HPSE2: variants seen among roughly 807,000 people sequenced by gnomAD.
HPSE2 encodes inactive heparanase-2.
Under a neutral mutation model 60.5 loss-of-function variants are expected in HPSE2, and 38 were observed. The ratio of observed to expected loss-of-function variants is 0.63; its 90% CI spans 0.48 to 0.82. HPSE2 has a LOEUF of 0.82. HPSE2 is among the 40% of genes least tolerant of loss of function. The pLI is 0.00. For missense variants in HPSE2, 713 were observed against 740.4 expected, an observed-to-expected ratio of 0.96 and a Z score of 0.43; for synonymous variants, 295 against 293.2, an observed-to-expected ratio of 1.01 and a Z score of -0.06.
chr10:98,511,253 C>A (rs1032939385), intron 9 of HPSE2, among the ~76,000 whole-genome samples: 1 of 151,736 alleles, frequency 6.6e-6, no homozygotes, highest in South Asian at 2.1e-4. Flanking sequence ...CAGATTCAAG[C>A]GATTCTCTTG....
chr10:98,718,627 C>T (rs1355343038), intron 5 of HPSE2, among the ~76,000 whole-genome samples: 1 of 152,148 alleles, frequency 6.6e-6, no homozygotes, highest in Non-Finnish European at 1.5e-5. Context: ...GAAATTCTGT[C>T]ATTTTCAGCA....
upstream of HPSE2, among the ~76,000 whole-genome samples, chr10:99,239,098 G>A (rs969295485): frequency 6.6e-6 from 1 of 152,102 alleles, no homozygotes; most frequent in Admixed American, 6.5e-5. Flanking sequence ...GGAGGAGGTT[G>A]CAGTGAGCCA....
At chr10:99,084,484 C>T (rs1564794017) in intron 3 of HPSE2, among the ~76,000 whole-genome samples, 1 of 152,136 alleles carries the variant, frequency 6.6e-6, no homozygotes, top group Non-Finnish European at 1.5e-5. Context: ...TCCAAATGTT[C>T]TCAGGGTATG....
At chr10:99,207,969 C>T (rs1487082142) in intron 2 of HPSE2, among the ~76,000 whole-genome samples, 9 of 149,848 alleles carry the variant, frequency 6.0e-5, no homozygotes, top group Non-Finnish European at 1.3e-4. Context: ...TTAACAATAA[C>T]TAATAATAAA....
intron 9 of HPSE2, among the ~76,000 whole-genome samples, chr10:98,566,531 C>T (rs1944350616): frequency 6.6e-6 from 1 of 152,182 alleles, no homozygotes; most frequent in Non-Finnish European, 1.5e-5. Context: ...ACGCTAAAGA[C>T]CTAGGGACAC....
intron 3 of HPSE2, among the ~76,000 whole-genome samples, chr10:98,878,867 G>A (rs560889458): frequency 1.3e-5 from 2 of 151,860 alleles, no homozygotes; most frequent in African/African-American, 4.8e-5. Context: ...CCCAATAAAC[G>A]ATTATAGAGA....
intron 3 of HPSE2, among the ~76,000 whole-genome samples, chr10:98,857,628 C>T (rs1952349443): frequency 6.6e-6 from 1 of 152,060 alleles, no homozygotes; most frequent in African/African-American, 2.4e-5. Flanking sequence ...TGTCATGGAT[C>T]TCAATGGAGT....
intron 2 of HPSE2, among the ~76,000 whole-genome samples, chr10:99,169,382 G>A (rs1847216687): frequency 6.6e-6 from 1 of 150,854 alleles, no homozygotes; most frequent in Admixed American, 6.6e-5. Context: ...GCATGCGCCT[G>A]TGGTCCCAGC....
intron 11 of HPSE2, among the ~76,000 whole-genome samples, chr10:98,471,542 T>G (rs765265601): frequency 2.6e-5 from 4 of 152,232 alleles, no homozygotes; most frequent in African/African-American, 4.8e-5. Context: ...AGGCTACATT[T>G]TTTTTTAACC....
chr10:98,822,039 A>G (rs1425114307), intron 3 of HPSE2, among the ~76,000 whole-genome samples: 1 of 152,188 alleles, frequency 6.6e-6, no homozygotes, highest in African/African-American at 2.4e-5. Flanking sequence ...CCCAATAATA[A>G]ACTGCTATTA....
At chr10:99,118,754 C>T (rs1287269345) in intron 3 of HPSE2, among the ~76,000 whole-genome samples, 5 of 151,936 alleles carry the variant, frequency 3.3e-5, no homozygotes, top group Admixed American at 6.6e-5. Context: ...TGGTGGCTCA[C>T]GCCTGTAATC....
intron 3 of HPSE2, among the ~76,000 whole-genome samples, chr10:98,790,977 G>A (rs976727803): frequency 2.0e-5 from 3 of 152,136 alleles, no homozygotes; most frequent in Non-Finnish European, 4.4e-5. Context: ...ATATTTGCAG[G>A]GGTGATGAGG....
chr10:99,208,663 T>A (rs1848845509), intron 2 of HPSE2, among the ~76,000 whole-genome samples: 1 of 147,974 alleles, frequency 6.8e-6, no homozygotes. Context: ...CCCACCTGGG[T>A]GACAGAGTGA....
chr10:98,713,550 T>C (rs1370640706), intron 5 of HPSE2, among the ~76,000 whole-genome samples: 1 of 151,758 alleles, frequency 6.6e-6, no homozygotes, highest in African/African-American at 2.4e-5. Context: ...CTCAAGATGG[T>C]CTCTGAAAGT....
intron 3 of HPSE2, among the ~76,000 whole-genome samples, chr10:98,869,069 G>A (rs992557885): frequency 6.6e-6 from 1 of 151,922 alleles, no homozygotes; most frequent in African/African-American, 2.4e-5. Context: ...GCGCACGCGT[G>A]TGTGTTTTCG....
chr10:98,495,769 A>G (rs1388211167), intron 9 of HPSE2, among the ~76,000 whole-genome samples: 1 of 151,056 alleles, frequency 6.6e-6, no homozygotes, highest in Non-Finnish European at 1.5e-5. Context: ...CATTTTGTTT[A>G]TACATCATTT....
intron 3 of HPSE2, among the ~76,000 whole-genome samples, chr10:99,137,169 G>T (rs1465831176): frequency 1.3e-5 from 2 of 152,086 alleles, no homozygotes; most frequent in African/African-American, 4.8e-5. Flanking sequence ...AAATACCTAG[G>T]AGTCCAACTT....
chr10:98,869,761 C>T (rs920521025), intron 3 of HPSE2, among the ~76,000 whole-genome samples: 1 of 152,102 alleles, frequency 6.6e-6, no homozygotes, highest in African/African-American at 2.4e-5. Context: ...GACTTGGACA[C>T]TAAATAAATT....
intron 6 of HPSE2, among the ~76,000 whole-genome samples, chr10:98,673,096 C>A (rs1443809755): frequency 6.6e-6 from 1 of 152,108 alleles, no homozygotes; most frequent in Non-Finnish European, 1.5e-5. Context: ...ATGAGGTTGC[C>A]AGCATCTGTA....
Sources: allele counts gnomAD v4.1 joint callset (sites outside exome capture counted in the v4.1 genomes callset), GRCh38; gene constraint gnomAD v4.1.1; transcripts MANE v1.5; gene names NCBI Gene and HGNC (gene_info 2026-07-23, HGNC 2026-07-21).